SHANK1: variants seen among roughly 807,000 people sequenced by gnomAD.
The protein encoded by SHANK1 is SH3 and multiple ankyrin repeat domains protein 1.
SHANK1 carries 35 observed loss-of-function variants against 165.6 expected under a neutral mutation model. The observed-to-expected ratio is 0.21, with a 90% CI of 0.16 to 0.28. The LOEUF (loss-of-function observed/expected upper bound fraction) is 0.28, where lower values mean the gene tolerates loss of function less well. Among genes scored for constraint, SHANK1 ranks in the 10% least tolerant of loss-of-function variants. The pLI is 1.00. For missense variants in SHANK1, 2,681 were observed against 3,036.4 expected, an observed-to-expected ratio of 0.88 and a Z score of 2.75; for synonymous variants, 1,428 against 1,384.8, an observed-to-expected ratio of 1.03 and a Z score of -0.69.
In SHANK1 at chr19:50,667,990, C is replaced by A; in HGVS notation, c.3970G>T (p.Gly1324Trp). 1 of 1,460,264 alleles carries A rather than the reference C, an allele frequency of 6.8e-7. No homozygotes were observed. Among genetic ancestry groups the A allele is most frequent in the Non-Finnish European group, 9.0e-7 (1 of 1,111,522 alleles). The allele number at this position is 1,460,264 out of a possible 1,614,324, so 90.5% of individuals were successfully genotyped here. Residue 1324 changes from glycine (G) to tryptophan (W), a missense_variant, in exon 23 of 24, where the codon GGG becomes TGG. Coordinates refer to ENST00000293441, the MANE Select transcript of SHANK1 (RefSeq NM_016148.5). This position sits in a 1 kb window ranked among gnomAD's most constrained non-coding sequence, Gnocchi z 5.7. ...GAGSRAYGGG[G>W]GSSAFTSFLP... The stretch of plus-strand genomic sequence containing the variant: ...AAGCTGGTGAAGGCGCTGCTGCCCC[C>A]GCCACCCCCGTAGGCTCGGCTACCG...
At chr19:50,689,317 G>T in intron 15 of SHANK1, 38 bp from the exon 16 acceptor site, 1 of 1,439,804 alleles carries the variant, frequency 6.9e-7, no homozygotes, top group Non-Finnish European at 9.8e-7. Context: ...GGTGGTGGGG[G>T]GAGTGGAGAA....
At chr19:50,689,491 T>A in intron 15 of SHANK1, 1 of 681,052 alleles carries the variant, frequency 1.5e-6, no homozygotes, top group South Asian at 1.6e-5. Flanking sequence ...TCTCTCTCAC[T>A]CCCTCTCTCC....
intron 6 of SHANK1, among the ~76,000 whole-genome samples, chr19:50,712,992 A>G (rs930126063): frequency 1.3e-5 from 2 of 152,114 alleles, no homozygotes; most frequent in African/African-American, 4.8e-5. Context: ...GTGAGTGTGC[A>G]TGGGAGATAC....
intron 12 of SHANK1, among the ~76,000 whole-genome samples, chr19:50,700,026 G>GT (rs1986863111): frequency 1.1e-5 from 1 of 89,984 alleles, no homozygotes; most frequent in Non-Finnish European, 2.4e-5. Flanking sequence ...TCGGGGCATT[G>GT]GAGGATTGGA....
intron 12 of SHANK1, among the ~76,000 whole-genome samples, chr19:50,701,841 G>A (rs1986925497): frequency 6.6e-6 from 1 of 152,180 alleles, no homozygotes. Flanking sequence ...CCTATAAGCA[G>A]GGGAGACTGG....
intron 21 of SHANK1, among the ~76,000 whole-genome samples, chr19:50,680,113 TG>T (rs1347982854): frequency 6.6e-5 from 9 of 136,576 alleles, no homozygotes; most frequent in Non-Finnish European, 1.3e-4. Flanking sequence ...CAAAGACAGA[TG>T]GGGGAGAGAG....
At chr19:50,666,046 AAAT>A in intron 23 of SHANK1, 143 bp downstream of exon 23, 6 of 730,214 alleles carry the variant, frequency 8.2e-6, no homozygotes, top group African/African-American at 3.7e-5. Context: ...AAGAAAAAGA[AAAT>A]ATTTGTGAAA....
At chr19:50,708,756 G>C (rs909008511) in intron 8 of SHANK1, among the ~76,000 whole-genome samples, 4 of 152,262 alleles carry the variant, frequency 2.6e-5, no homozygotes, top group Admixed American at 6.5e-5. Context: ...AATCCAAGAG[G>C]GCTGACCCCA....
chr19:50,662,953 A>C lies in SHANK1; in HGVS notation c.5769-271T>G. On this transcript the variant is annotated intron_variant, in intron 23 of 23. Coordinates refer to ENST00000293441, the MANE Select transcript of SHANK1 (RefSeq NM_016148.5). This position sits in a 1 kb window ranked among gnomAD's most constrained non-coding sequence, Gnocchi z 7.7. Reference sequence around the variant, plus strand: ...GAAAAAGAGACATTAAGTGATAATAATAATAATCGTCACCGCTTACTGATG... The same window carrying C: ...GAAAAAGAGACATTAAGTGATAATACTAATAATCGTCACCGCTTACTGATG... 2.0e-6 allele frequency: 1 copy of C among 496,172 alleles called. No homozygotes were observed. Among genetic ancestry groups the C allele is most frequent in the Non-Finnish European group, 3.6e-6 (1 of 275,120 alleles). 30.7% of individuals were successfully genotyped at this position (496,172 alleles called of 1,614,324 possible). A position where few individuals can be genotyped will look rare whatever the true frequency, so the allele number is the denominator to read the frequency against.
Position 50,697,556 on chromosome 19 carries a change from A to G in SHANK1, c.1937+33T>C, listed in dbSNP as rs745799857. The stretch of plus-strand genomic sequence containing the variant: ...TACATTGTGAAGGGAACTTGGGGTG[A>G]GGGGGGTTGCCCGAGGGTGTAAGGA... On this transcript the variant is annotated intron_variant, in intron 14 of 23. Transcript: ENST00000293441. This position sits in a 1 kb window ranked among gnomAD's most constrained non-coding sequence, Gnocchi z 4.7. 20 of 1,525,438 alleles carry G rather than the reference A, an allele frequency of 1.3e-5. No individual in the cohort carries two copies. The Admixed American group carries it at 3.2e-4, about 24-fold the overall frequency. The allele number at this position is 1,525,438 out of a possible 1,614,324, so 94.5% of individuals were successfully genotyped here. A position where few individuals can be genotyped will look rare whatever the true frequency, so the allele number is the denominator to read the frequency against.
chr19:50,687,046 C>T (rs955050008), intron 19 of SHANK1: 1 of 1,475,350 alleles, frequency 6.8e-7, no homozygotes. Context: ...GGAGACTAGC[C>T]CGGGGGAGAG....
intron 12 of SHANK1, among the ~76,000 whole-genome samples, chr19:50,701,092 C>T (rs1285830618): frequency 6.6e-6 from 1 of 152,050 alleles, no homozygotes; most frequent in Non-Finnish European, 1.5e-5. Context: ...CAAGGCCTCA[C>T]TCAAGTTGAC....
chr19:50,666,425 G>T lies in SHANK1; in HGVS notation c.5535C>A (p.Gly1845=). 6.2e-7 allele frequency: 1 copy of T among 1,610,786 alleles called. No individual in the cohort carries two copies. Among genetic ancestry groups the T allele is most frequent in the East Asian group, 2.2e-5 (1 of 44,808 alleles). ...RKLLPWEEGP[G]PPPPPLPGPL... ...GCCCGGGCAGAGGTGGTGGCGGTGG[G>T]CCCGGGCCCTCCTCCCAGGGCAGCA... The change falls in exon 23 of 24, where the codon GGC becomes GGA. Residue 1845 remains glycine (G), a synonymous_variant. Transcript: ENST00000293441.
At chr19:50,712,548 GGCACA>G (rs990658549) in intron 6 of SHANK1, among the ~76,000 whole-genome samples, 4 of 152,372 alleles carry the variant, frequency 2.6e-5, no homozygotes, top group Admixed American at 2.6e-4. Flanking sequence ...TCAAAGAAGG[GGCACA>G]GCAGGAAGCC....
chr19:50,686,413 C>T lies in SHANK1; in HGVS notation c.2459-58G>A. 7.7e-7 allele frequency: 1 copy of T among 1,306,126 alleles called. No homozygotes were observed. The highest frequency in any genetic ancestry group is 1.1e-6 in the Non-Finnish European group (1 of 934,170). 80.9% of individuals were successfully genotyped at this position (1,306,126 alleles called of 1,614,324 possible). A position where few individuals can be genotyped will look rare whatever the true frequency, so the allele number is the denominator to read the frequency against. On this transcript the variant is annotated intron_variant, in intron 20 of 23. Transcript: ENST00000293441. This position sits in a 1 kb window ranked among gnomAD's most constrained non-coding sequence, Gnocchi z 5.7. Reference sequence around the variant, plus strand: ...ACAATGAAATGAAGTTTGCTTTGACCCGGGCCGCAAAGACCAGAGCTGCCG... The same window carrying T: ...ACAATGAAATGAAGTTTGCTTTGACTCGGGCCGCAAAGACCAGAGCTGCCG...
Position 50,686,663 on chromosome 19 carries a change from G to T in SHANK1, c.2458+81C>A. On this transcript the variant is annotated intron_variant, in intron 20 of 23. Transcript: ENST00000293441. This position sits in a 1 kb window ranked among gnomAD's most constrained non-coding sequence, Gnocchi z 5.7. Reference sequence around the variant, plus strand: ...GGGGCAGGAAGGTGAGGGGCGCCGTGGGGTTCATGGTGGGACAGGGATGCA... The same window carrying T: ...GGGGCAGGAAGGTGAGGGGCGCCGTTGGGTTCATGGTGGGACAGGGATGCA... 7.5e-7 allele frequency: 1 copy of T among 1,339,550 alleles called. No homozygotes were observed. The highest frequency in any genetic ancestry group is 1.1e-6 in the Non-Finnish European group (1 of 945,766). The allele number at this position is 1,339,550 out of a possible 1,614,324, so 83.0% of individuals were successfully genotyped here. A position where few individuals can be genotyped will look rare whatever the true frequency, so the allele number is the denominator to read the frequency against.
chr19:50,703,788 C>A lies in SHANK1; in HGVS notation c.1265G>T (p.Gly422Val), dbSNP rs903245164. The change falls in exon 11 of 24, where the codon GGG becomes GTG. Residue 422 changes from glycine (G) to valine (V), a missense_variant. By Grantham distance (109) the Gly-to-Val change is moderately radical. Around this residue, in one of 10 missense-constraint regions of SHANK1, gnomAD observed 49 missense variants for 55.6 expected, o/e 0.88. Transcript: ENST00000293441. ...CACCGTCAGCCCTGTGCCTGGGGGCCCCCGTCGCCGGGCCGCGTACTTGGG... is the reference window on the plus strand; with the variant it reads ...CACCGTCAGCCCTGTGCCTGGGGGCACCCGTCGCCGGGCCGCGTACTTGGG... ...ESPKYAARRR[G>V]PPGTGLTVPP... 2.8e-6 allele frequency: 4 copies of A among 1,428,504 alleles called. No homozygotes were observed. Among genetic ancestry groups the A allele is most frequent in the Non-Finnish European group, 9.1e-7 (1 of 1,095,994 alleles). 88.5% of individuals were successfully genotyped at this position (1,428,504 alleles called of 1,614,324 possible). A position where few individuals can be genotyped will look rare whatever the true frequency, so the allele number is the denominator to read the frequency against.
At chr19:50,694,841 C>G (rs191761994) in intron 15 of SHANK1, among the ~76,000 whole-genome samples, 11,377 of 146,428 alleles carry the variant, frequency 0.078, 867 homozygotes, top group Admixed American at 0.24. Context: ...GGGGGAGGGT[C>G]GCCACCGCGG....
Position 50,697,746 on chromosome 19 carries a change from C to A in SHANK1, c.1862-82G>T. 6.5e-7 allele frequency: 1 copy of A among 1,531,998 alleles called. No homozygotes were observed. Among genetic ancestry groups the A allele is most frequent in the East Asian group, 2.3e-5 (1 of 44,384 alleles). The allele number at this position is 1,531,998 out of a possible 1,614,324, so 94.9% of individuals were successfully genotyped here. A position where few individuals can be genotyped will look rare whatever the true frequency, so the allele number is the denominator to read the frequency against. On this transcript the variant is annotated intron_variant, in intron 13 of 23. Coordinates refer to ENST00000293441, the MANE Select transcript of SHANK1 (RefSeq NM_016148.5). The surrounding 1 kb of genome is among the most constrained non-coding windows in gnomAD (Gnocchi z 4.7). The stretch of plus-strand genomic sequence containing the variant: ...CCTAGAGCTCCTGGCCCAAGTCTTC[C>A]CATCTACCTCCCAGTACCCCACCCC...
Sources: gnomAD v4.1 joint callset for allele counts (sites outside exome capture counted in the v4.1 genomes callset) on GRCh38, gnomAD v4.1.1 for gene constraint, gnomAD v4.1.1 regional missense constraint, Gnocchi (gnomAD v3.1) non-coding constraint, MANE v1.5 for transcripts, NCBI Gene and HGNC (gene_info 2026-07-23, HGNC 2026-07-21) for gene names.